YAP1: variants seen among roughly 807,000 people sequenced by gnomAD.
YAP1 encodes Yes1 associated transcriptional regulator, also known as transcriptional coactivator YAP1.
YAP1 carries 5 observed loss-of-function variants against 56.9 expected under a neutral mutation model. That is an observed-to-expected ratio of 0.09 (90% CI 0.05 to 0.18). The LOEUF is 0.18. Ranked by LOEUF, YAP1 falls within the 10% of genes least tolerant of loss-of-function variation. YAP1 has a pLI of 1.00. For synonymous variants in YAP1, 265 were observed against 248.1 expected (o/e 1.07, Z -0.64); for missense variants, 539 against 651.8 (o/e 0.83, Z 1.88).
chr11:102,114,075 C>CT (rs1943129469), intron 1 of YAP1, 69 bp from the exon 2 acceptor site: 17 of 1,485,862 alleles, frequency 1.1e-5, no homozygotes, highest in Non-Finnish European at 1.4e-5. Context: ...TAAGCGCTGA[C>CT]TGGGAAATTT....
At chr11:102,134,039 C>T (rs73577889) in intron 2 of YAP1, among the ~76,000 whole-genome samples, 12,253 of 152,190 alleles carry the variant, frequency 0.081, 793 homozygotes, top group African/African-American at 0.16. Context: ...CTGATCTAAT[C>T]GTAATTAACT....
intron 6 of YAP1, among the ~76,000 whole-genome samples, chr11:102,211,146 A>C (rs7925543): frequency 0.11 from 16,432 of 152,258 alleles, 1,000 homozygotes; most frequent in East Asian, 0.22. Context: ...ATTTGGATTC[A>C]GGTAAAAAGT....
intron 2 of YAP1, among the ~76,000 whole-genome samples, chr11:102,127,122 A>G (rs552429009): frequency 2.6e-5 from 4 of 152,348 alleles, no homozygotes; most frequent in African/African-American, 9.6e-5. Context: ...TTGCAGCCTG[A>G]CAATGCAGTA....
At chr11:102,119,555 A>T (rs556345632) in intron 2 of YAP1, among the ~76,000 whole-genome samples, 4 of 150,856 alleles carry the variant, frequency 2.7e-5, no homozygotes, top group Admixed American at 6.6e-5. Flanking sequence ...AGTCACATTT[A>T]AAAAAAAATA....
At chr11:102,136,993 TC>T (rs1269796364) in intron 2 of YAP1, among the ~76,000 whole-genome samples, 5 of 152,236 alleles carry the variant, frequency 3.3e-5, no homozygotes, top group Non-Finnish European at 7.3e-5. Context: ...CTTGTAAAGT[TC>T]CGCAAAGGAC....
chr11:102,187,292 G>A (rs1490115364), intron 4 of YAP1, among the ~76,000 whole-genome samples: 1 of 152,136 alleles, frequency 6.6e-6, no homozygotes, highest in Non-Finnish European at 1.5e-5. Flanking sequence ...GCAGGATCAG[G>A]GCAGTGATGT....
intron 5 of YAP1, among the ~76,000 whole-genome samples, chr11:102,208,200 C>G (rs1251424730): frequency 1.3e-5 from 2 of 152,210 alleles, no homozygotes; most frequent in African/African-American, 2.4e-5. Flanking sequence ...GTACTGGGCC[C>G]ATTCATTCTT....
intron 2 of YAP1, among the ~76,000 whole-genome samples, chr11:102,151,292 G>C (rs1945643024): frequency 6.6e-6 from 1 of 152,048 alleles, no homozygotes; most frequent in Non-Finnish European, 1.5e-5. Flanking sequence ...ATGTACTTGG[G>C]TTCTCTCATT....
chr11:102,185,188 A>G (rs531727087), intron 3 of YAP1, among the ~76,000 whole-genome samples: 9 of 152,316 alleles, frequency 5.9e-5, no homozygotes, highest in Admixed American at 4.6e-4. Context: ...AGGAAGAATT[A>G]TGTTTGAATA....
At chr11:102,159,448 T>G (rs1484089926) in intron 2 of YAP1, among the ~76,000 whole-genome samples, 1 of 152,230 alleles carries the variant, frequency 6.6e-6, no homozygotes, top group Non-Finnish European at 1.5e-5. Flanking sequence ...ACTGCATCTC[T>G]TCATTACTTA....
intron 6 of YAP1, among the ~76,000 whole-genome samples, chr11:102,219,798 C>G (rs920401583): frequency 1.1e-4 from 16 of 151,956 alleles, no homozygotes; most frequent in African/African-American, 3.6e-4. Context: ...GAGTCTCGCT[C>G]TGTCACCTAG....
intron 4 of YAP1, among the ~76,000 whole-genome samples, chr11:102,190,540 C>T (rs1012655240): frequency 6.6e-6 from 1 of 152,058 alleles, no homozygotes; most frequent in Non-Finnish European, 1.5e-5. Context: ...GCATGAGAAT[C>T]ACTTGAATCC....
chr11:102,211,067 G>C (rs1402919346), intron 6 of YAP1, among the ~76,000 whole-genome samples: 1 of 152,086 alleles, frequency 6.6e-6, no homozygotes, highest in Non-Finnish European at 1.5e-5. Context: ...AAGTGTTTCT[G>C]AAAGAAGAAT....
chr11:102,215,842 T>C (rs1227935724), intron 6 of YAP1, among the ~76,000 whole-genome samples: 1 of 152,148 alleles, frequency 6.6e-6, no homozygotes, highest in African/African-American at 2.4e-5. Context: ...GAAGATAAAA[T>C]AGTGTTGCTA....
rs79280234 is a variant in YAP1 at position 102,139,343 on chromosome 11, C to A, written c.573-23113C>A. Among the ~76,000 whole-genome samples the A allele has an allele frequency of 8.6e-3, 1,305 of 152,246 alleles. 21 individuals are homozygous for A. The highest frequency in any genetic ancestry group is 0.029 in the African/African-American group (1,215 of 41,540). ...GCTATTTATGGAGCATTTCCTCAGG[C>A]CTGCAATTTGAAGCTATTATAGCAA... On this transcript the variant is annotated intron_variant, in intron 2 of 8. Coordinates refer to ENST00000282441, the MANE Select transcript of YAP1 (RefSeq NM_001130145.3).
intron 4 of YAP1, among the ~76,000 whole-genome samples, chr11:102,187,025 T>G (rs1349948592): frequency 6.6e-6 from 1 of 152,078 alleles, no homozygotes; most frequent in Non-Finnish European, 1.5e-5. Flanking sequence ...ACTCGGAACC[T>G]TTGAAGCTTT....
chr11:102,135,604 C>T (rs1944630239), intron 2 of YAP1, among the ~76,000 whole-genome samples: 1 of 152,142 alleles, frequency 6.6e-6, no homozygotes, highest in African/African-American at 2.4e-5. Flanking sequence ...CCTCAAGAGG[C>T]TTGGGCAGAA....
intron 1 of YAP1, among the ~76,000 whole-genome samples, chr11:102,111,434 C>T (rs1942898049): frequency 6.6e-6 from 1 of 152,014 alleles, no homozygotes; most frequent in East Asian, 1.9e-4. Context: ...GGCGTGCTTT[C>T]CCTCCTTCTT....
At chr11:102,205,837 T>C (rs1203687371) in intron 4 of YAP1, 56 bp from the exon 5 acceptor site, 46 of 1,435,318 alleles carry the variant, frequency 3.2e-5, no homozygotes, top group Non-Finnish European at 4.2e-5. Context: ...TAAATCATCA[T>C]TTTATCTTCC....
Sources: gnomAD v4.1 joint callset for allele counts (sites outside exome capture counted in the v4.1 genomes callset) on GRCh38, gnomAD v4.1.1 for gene constraint, MANE v1.5 for transcripts, NCBI Gene and HGNC (gene_info 2026-07-23, HGNC 2026-07-21) for gene names.